DNAH5: variants seen among roughly 807,000 people sequenced by gnomAD.
The protein encoded by DNAH5 is axonemal beta dynein heavy chain 5.
A neutral mutation model predicts 518.2 loss-of-function variants in DNAH5; 372 were observed. The ratio of observed to expected loss-of-function variants is 0.72; its 90% CI spans 0.66 to 0.78. The LOEUF (loss-of-function observed/expected upper bound fraction) is 0.78, where lower values mean the gene tolerates loss of function less well. Ranked by LOEUF, DNAH5 falls within the 30% of genes least tolerant of loss-of-function variation. DNAH5 has a pLI of 0.00. For missense variants in DNAH5, 5,523 were observed against 5,687.0 expected, an observed-to-expected ratio of 0.97 and a Z score of 0.93; for synonymous variants, 2,039 against 2,025.9, an observed-to-expected ratio of 1.01 and a Z score of -0.17.
intron 76 of DNAH5, among the ~76,000 whole-genome samples, chr5:13,703,877 G>A (rs1056481850): frequency 6.6e-6 from 1 of 152,146 alleles, no homozygotes; most frequent in Non-Finnish European, 1.5e-5. Context: ...TGGGTCCAAG[G>A]CTCTAGTTCT....
intron 1 of DNAH5, among the ~76,000 whole-genome samples, chr5:13,967,334 A>T (rs1347709387): frequency 1.3e-5 from 2 of 152,214 alleles, no homozygotes; most frequent in Non-Finnish European, 2.9e-5. Context: ...TCTTTGATCC[A>T]TCTTGAGTTG....
intron 32 of DNAH5, among the ~76,000 whole-genome samples, chr5:13,844,625 ATT>A (rs58269420): frequency 6.6e-6 from 1 of 151,472 alleles, no homozygotes; most frequent in East Asian, 1.9e-4. Context: ...CTAAACTAGC[ATT>A]TTTTTTAATT....
rs181407793 is a variant in DNAH5 at position 13,997,189 on chromosome 5, A to G, written c.12+14459T>C. ...TTTTTTACAGGCTAAGAATTTTCCA[A>G]CTTTTTAGGTTCTGCTTCCCTTTTG... On this transcript the variant is annotated intron_variant, in intron 1 of 78. Transcript: ENST00000681290. Among the ~76,000 whole-genome samples, 604 of 152,172 alleles carry G rather than the reference A, an allele frequency of 4.0e-3. 3 individuals are homozygous for G. Among genetic ancestry groups the G allele is most frequent in the African/African-American group, 0.014 (570 of 41,518 alleles).
At chr5:13,968,548 T>C (rs1781679456) in intron 1 of DNAH5, among the ~76,000 whole-genome samples, 1 of 152,218 alleles carries the variant, frequency 6.6e-6, no homozygotes, top group South Asian at 2.1e-4. Flanking sequence ...TGTCCAATGC[T>C]TTTTCTGCAT....
chr5:13,946,330 C>T (rs1278884300), upstream of DNAH5, among the ~76,000 whole-genome samples: 1 of 152,126 alleles, frequency 6.6e-6, no homozygotes, highest in African/African-American at 2.4e-5. Flanking sequence ...CTTGAGGCTT[C>T]ACAGCAAACC....
intron 7 of DNAH5, among the ~76,000 whole-genome samples, chr5:13,918,167 A>C (rs1776846303): frequency 6.6e-6 from 1 of 151,794 alleles, no homozygotes; most frequent in Admixed American, 6.6e-5. Context: ...TAGGTTGGGG[A>C]CTCTCTTGCC....
chr5:13,771,197 C>T, intron 55 of DNAH5: 1 of 549,312 alleles, frequency 1.8e-6, no homozygotes. Context: ...ACACTTTAAG[C>T]CTATCAACAC....
At chr5:13,985,337 T>C (rs574724694) in intron 1 of DNAH5, among the ~76,000 whole-genome samples, 56 of 149,490 alleles carry the variant, frequency 3.7e-4, no homozygotes, top group African/African-American at 1.3e-3. Flanking sequence ...AAATGACGAG[T>C]TAATGGGTGC....
chr5:13,732,825 T>C (rs1746803149), intron 68 of DNAH5, among the ~76,000 whole-genome samples: 2 of 152,148 alleles, frequency 1.3e-5, no homozygotes, highest in African/African-American at 4.8e-5. Flanking sequence ...CATAACACTA[T>C]CTAAATAACA....
rs1744974588 is a variant in DNAH5 at position 13,720,986 on chromosome 5, C to T, written c.12279+14G>A. On this transcript the variant is annotated intron_variant, in intron 71 of 78. Transcript: ENST00000265104. ...ATGAACAGCATGGCACAAAAGTAGA[C>T]TATTCAGCCTTACGTTCGCCATGGT... 6.2e-7 allele frequency: 1 copy of T among 1,613,968 alleles called. No homozygotes were observed. The highest frequency in any genetic ancestry group is 1.1e-5 in the South Asian group (1 of 91,084).
intron 37 of DNAH5, 137 bp downstream of exon 37, chr5:13,829,889 A>C: frequency 9.6e-7 from 1 of 1,037,954 alleles, no homozygotes; most frequent in East Asian, 2.6e-5. Context: ...TTTGCTTAAC[A>C]CCAAAAGGTT....
At chr5:13,740,624 CTGCTATTCCAGGAAACA>C (rs1232621645) in intron 65 of DNAH5, among the ~76,000 whole-genome samples, 214 of 152,332 alleles carry the variant, frequency 1.4e-3, no homozygotes, top group Non-Finnish European at 2.4e-3. Context: ...TGATGTGATG[CTGCTATTCCAGGAAACA>C]TGCTTTGAGA....
At chr5:13,754,478 T>C (rs1750702762) in intron 61 of DNAH5, 140 bp from the exon 62 acceptor site, 1 of 956,468 alleles carries the variant, frequency 1.0e-6, no homozygotes, top group Non-Finnish European at 1.7e-6. Flanking sequence ...CATGAGATTC[T>C]ATTTCCATGT....
intron 31 of DNAH5, among the ~76,000 whole-genome samples, chr5:13,848,064 G>A (rs558045477): frequency 2.0e-5 from 3 of 152,300 alleles, no homozygotes; most frequent in African/African-American, 7.2e-5. Flanking sequence ...GTTTAGTGGT[G>A]CCTGAACTGC....
rs1762471181 is a variant in DNAH5, at chr5:13,823,346, A to G, written c.6604T>C (p.Leu2202=). 1 of 1,613,502 alleles carries G rather than the reference A, an allele frequency of 6.2e-7. No individual in the cohort carries two copies. Among genetic ancestry groups the G allele is most frequent in the Admixed American group, 1.7e-5 (1 of 60,004 alleles). ...KLIDEDEPLF[L]SLIEDLFPNI... Reference sequence around the variant, plus strand: ...GGAAAGAGATCTTCAATCAAACTCAAAAACAAGGGTTCATCCTCATCAATC... The same window carrying G: ...GGAAAGAGATCTTCAATCAAACTCAGAAACAAGGGTTCATCCTCATCAATC... Residue 2202 remains leucine (L), a synonymous_variant, in exon 40 of 79, where the codon TTG becomes CTG. Transcript: ENST00000265104.
At chr5:13,850,226 C>T (rs753620689) in intron 31 of DNAH5, among the ~76,000 whole-genome samples, 2 of 152,116 alleles carry the variant, frequency 1.3e-5, no homozygotes, top group Non-Finnish European at 2.9e-5. Context: ...CGCTTCTGTA[C>T]ACATAAATGT....
chr5:13,985,365 T>C (rs1387140650), intron 1 of DNAH5, among the ~76,000 whole-genome samples: 1 of 150,816 alleles, frequency 6.6e-6, no homozygotes, highest in Non-Finnish European at 1.5e-5. Flanking sequence ...CAACATGGCA[T>C]GTGTATACAT....
At position 13,690,887 on chromosome 5, in the gene DNAH5, A is replaced by T. The variant is rs1740633103; in HGVS notation, c.*1097T>A. ...CTGATCATCACATTTTTTCAAGCCAACTATAATTCTTGCTATCACATCTGT... is the reference window on the plus strand; with the variant it reads ...CTGATCATCACATTTTTTCAAGCCATCTATAATTCTTGCTATCACATCTGT... On this transcript the variant is annotated 3_prime_UTR_variant, in exon 79 of 79. Transcript: ENST00000265104. 2 of 152,144 alleles carry T rather than the reference A, an allele frequency of 1.3e-5. No individual in the cohort carries two copies. Among genetic ancestry groups the T allele is most frequent in the African/African-American group, 4.8e-5 (2 of 41,444 alleles). The allele number at this position is 152,144 out of a possible 1,614,324, so 9.4% of individuals were successfully genotyped here.
At chr5:13,807,313 T>C (rs1186483420) in intron 47 of DNAH5, among the ~76,000 whole-genome samples, 1 of 152,228 alleles carries the variant, frequency 6.6e-6, no homozygotes, top group South Asian at 2.1e-4. Context: ...GTTTTGGATT[T>C]TGCGTGTTCA....
Sources: allele counts gnomAD v4.1 joint callset (sites outside exome capture counted in the v4.1 genomes callset), GRCh38; gene constraint gnomAD v4.1.1; transcripts MANE v1.5; gene names NCBI Gene and HGNC (gene_info 2026-07-23, HGNC 2026-07-21).